Variants in SLC25A48 observed in about 807,000 individuals in gnomAD.
The protein encoded by SLC25A48 is solute carrier family 25 member 48, also known as CTC-321K16.1.
SLC25A48 carries 29 observed loss-of-function variants against 32.2 expected under a neutral mutation model. That is an observed-to-expected ratio of 0.90 (90% confidence interval 0.67 to 1.23). The LOEUF is 1.23. SLC25A48 is among the 50% of genes most tolerant of loss of function. The pLI is 0.00. For synonymous variants in SLC25A48, 164 were observed against 172.3 expected (o/e 0.95, Z 0.38); for missense variants, 399 against 422.7 (o/e 0.94, Z 0.49).
chr5:135,798,776 C>T (rs989456789), intron 3 of SLC25A48, among the ~76,000 whole-genome samples: 1 of 151,498 alleles, frequency 6.6e-6, no homozygotes, highest in Non-Finnish European at 1.5e-5. Flanking sequence ...AGAAGGTGTA[C>T]ATCCCTCACA....
At chr5:135,700,308 G>A (rs1381985533) in intron 3 of SLC25A48, among the ~76,000 whole-genome samples, 2 of 142,294 alleles carry the variant, frequency 1.4e-5, no homozygotes, top group Non-Finnish European at 1.5e-5. Flanking sequence ...GGAGGGGGAG[G>A]TTGCAGTGAG....
At chr5:135,776,551 C>A (rs1295571463) in intron 3 of SLC25A48, among the ~76,000 whole-genome samples, 1 of 151,132 alleles carries the variant, frequency 6.6e-6, no homozygotes, top group Non-Finnish European at 1.5e-5. Flanking sequence ...TATGTACACC[C>A]CTTCTGTGAT....
Position 135,673,493 on chromosome 5 carries a change from T to G in SLC25A48, c.-521+38537T>G, listed in dbSNP as rs967172313. Among the ~76,000 whole-genome samples, 5 of 152,204 alleles carry G rather than the reference T, an allele frequency of 3.3e-5. No homozygotes were observed. The East Asian group carries it at 9.6e-4, about 29-fold the overall frequency. On this transcript the variant is annotated intron_variant, in intron 3 of 10. Transcript: ENST00000646290. ...ACAACTAATATTATTGAATATATTTTCATTCACTTGACATTTGGATATCTT... is the reference window on the plus strand; with the variant it reads ...ACAACTAATATTATTGAATATATTTGCATTCACTTGACATTTGGATATCTT...
chr5:135,835,062 T>G, intron 1 of SLC25A48, 169 bp downstream of exon 1: 1 of 797,470 alleles, frequency 1.3e-6, no homozygotes, highest in Non-Finnish European at 2.2e-6. Context: ...GGTCTTGCAG[T>G]TGCCAGGGCT....
At chr5:135,688,471 A>C (rs1754069113) in intron 3 of SLC25A48, among the ~76,000 whole-genome samples, 1 of 152,242 alleles carries the variant, frequency 6.6e-6, no homozygotes, top group Non-Finnish European at 1.5e-5. Context: ...GAAGTTCAGC[A>C]ACACTGAAGA....
At chr5:135,636,992 A>C (rs1038904986) in intron 3 of SLC25A48, among the ~76,000 whole-genome samples, 1 of 152,230 alleles carries the variant, frequency 6.6e-6, no homozygotes, top group South Asian at 2.1e-4. Flanking sequence ...GGGTGGAAAT[A>C]TAAAAGATGA....
At chr5:135,866,175 C>T (rs1452592919) in intron 4 of SLC25A48, among the ~76,000 whole-genome samples, 2 of 152,176 alleles carry the variant, frequency 1.3e-5, no homozygotes, top group East Asian at 1.9e-4. Context: ...AGAAATTATG[C>T]TGTGTTCCCT....
At chr5:135,866,569 G>C (rs1761220512) in intron 4 of SLC25A48, among the ~76,000 whole-genome samples, 1 of 152,140 alleles carries the variant, frequency 6.6e-6, no homozygotes, top group Admixed American at 6.5e-5. Flanking sequence ...GTACCTGTTA[G>C]GATTGGCCAA....
rs562870889 is a variant in SLC25A48, at chr5:135,785,828, G to T, written c.-520-26695G>T. Among the ~76,000 whole-genome samples the T allele has an allele frequency of 9.9e-5, 15 of 151,376 alleles. No individual in the cohort carries two copies. In the South Asian group the frequency reaches 2.9e-3, roughly 30 times the overall value. Reference sequence around the variant, plus strand: ...TAACATTACTCCCCATAGGGCGGGGGTGGAACACCTCTTTTGCCTCATAAA... The same window carrying T: ...TAACATTACTCCCCATAGGGCGGGGTTGGAACACCTCTTTTGCCTCATAAA... On this transcript the variant is annotated intron_variant, in intron 3 of 10. Coordinates refer to the SLC25A48 transcript ENST00000646290.
chr5:135,722,952 G>A (rs552442794), intron 3 of SLC25A48, among the ~76,000 whole-genome samples: 1 of 152,368 alleles, frequency 6.6e-6, no homozygotes, highest in East Asian at 1.9e-4. Flanking sequence ...CTGCCCATGA[G>A]GGGGTCACCC....
At chr5:135,652,795 C>G (rs1217379509) in intron 3 of SLC25A48, among the ~76,000 whole-genome samples, 1 of 152,180 alleles carries the variant, frequency 6.6e-6, no homozygotes, top group Non-Finnish European at 1.5e-5. Flanking sequence ...TACACAGGAG[C>G]TACAACTATG....
At chr5:135,778,284 G>A (rs1311709061) in intron 3 of SLC25A48, among the ~76,000 whole-genome samples, 1 of 151,680 alleles carries the variant, frequency 6.6e-6, no homozygotes, top group African/African-American at 2.4e-5. Context: ...TGTTGCAGGA[G>A]GTGTACACCC....
intron 3 of SLC25A48, among the ~76,000 whole-genome samples, chr5:135,665,113 C>T (rs561244895): frequency 1.8e-4 from 28 of 152,040 alleles, no homozygotes; most frequent in Non-Finnish European, 4.0e-4. Flanking sequence ...TATTAATGGC[C>T]ATTCTTGTAA....
At chr5:135,801,389 C>T (rs764577593) in intron 3 of SLC25A48, among the ~76,000 whole-genome samples, 4 of 150,968 alleles carry the variant, frequency 2.6e-5, no homozygotes, top group Non-Finnish European at 5.9e-5. Context: ...GGGTGTACTC[C>T]TTCCTGTGAT....
At chr5:135,689,745 G>A (rs1002050142) in intron 3 of SLC25A48, among the ~76,000 whole-genome samples, 3 of 152,190 alleles carry the variant, frequency 2.0e-5, no homozygotes, top group Non-Finnish European at 4.4e-5. Context: ...GCTGAATTGT[G>A]CAAGACATTT....
intron 3 of SLC25A48, among the ~76,000 whole-genome samples, chr5:135,686,516 G>T (rs1754023647): frequency 6.6e-6 from 1 of 152,204 alleles, no homozygotes; most frequent in Non-Finnish European, 1.5e-5. Flanking sequence ...CTCCCCGTAT[G>T]GTGGAGCCTT....
chr5:135,728,841 T>TACACACACACACACACACACACACAC (rs33918902), intron 3 of SLC25A48, among the ~76,000 whole-genome samples: 4 of 141,664 alleles, frequency 2.8e-5, no homozygotes, highest in Admixed American at 7.1e-5. Flanking sequence ...CATACACAAA[T>TACACACACACACACACACACACACAC]ACACACACAC....
chr5:135,834,915 C>A (rs1173442670), intron 1 of SLC25A48, 22 bp downstream of exon 1: 4 of 1,597,332 alleles, frequency 2.5e-6, no homozygotes, highest in Non-Finnish European at 2.6e-6. Flanking sequence ...TACCGGGGAC[C>A]CCCGGTCAGA....
chr5:135,669,649 C>T (rs1753609235), intron 3 of SLC25A48, among the ~76,000 whole-genome samples: 1 of 152,160 alleles, frequency 6.6e-6, no homozygotes, highest in African/African-American at 2.4e-5. Flanking sequence ...AGCCTTAACT[C>T]TCAGGAACTC....
Sources: allele counts gnomAD v4.1 joint callset (sites outside exome capture counted in the v4.1 genomes callset), GRCh38; gene constraint gnomAD v4.1.1; transcripts MANE v1.5; gene names NCBI Gene and HGNC (gene_info 2026-07-23, HGNC 2026-07-21).